CLN6: variants seen among roughly 807,000 people sequenced by gnomAD.
CLN6 encodes the protein CLN6 transmembrane ER protein.
CLN6 carries 22 observed loss-of-function variants against 33.3 expected under a neutral mutation model. The ratio of observed to expected loss-of-function variants is 0.66; its 90% confidence interval spans 0.47 to 0.94. The LOEUF (loss-of-function observed/expected upper bound fraction) is 0.94, where lower values mean the gene tolerates loss of function less well. Ranked by LOEUF, CLN6 falls within the 40% of genes least tolerant of loss-of-function variation. The pLI, the probability that CLN6 is intolerant of heterozygous loss-of-function variation, is 0.00. For synonymous variants in CLN6, 201 were observed against 174.6 expected (o/e 1.15, Z -1.19); for missense variants, 387 against 417.1 (o/e 0.93, Z 0.63).
intron 1 of CLN6, among the ~76,000 whole-genome samples, chr15:68,251,967 C>CT (rs35907860): frequency 0.025 from 1,782 of 71,644 alleles, 19 homozygotes; most frequent in East Asian, 0.036. Context: ...ATGTGTGAAT[C>CT]TTTTTTTTTT....
chr15:68,220,594 G>GT lies in CLN6; in HGVS notation c.84-1945dup, dbSNP rs1459140599. On this transcript the variant is annotated intron_variant, in intron 1 of 6. Transcript: ENST00000249806. This position sits in a 1 kb window ranked among gnomAD's most constrained non-coding sequence, Gnocchi z 4.2. ...GGTTCCACCCTCAAGGGACATCCAG[G>GT]TAAGAATGAAGTAGCCTCGCAGAGA... Among the ~76,000 whole-genome samples, 1 of 152,206 alleles carries GT rather than the reference G, an allele frequency of 6.6e-6. No homozygotes were observed. Among genetic ancestry groups the GT allele is most frequent in the Non-Finnish European group, 1.5e-5 (1 of 68,036 alleles).
chr15:68,218,750 G>A lies in CLN6; in HGVS notation c.84-100C>T, dbSNP rs1218066439. 6.1e-6 allele frequency: 5 copies of A among 819,600 alleles called. No individual in the cohort carries two copies. The Admixed American group carries it at 9.5e-5, about 16-fold the overall frequency. The allele number at this position is 819,600 out of a possible 1,614,324, so 50.8% of individuals were successfully genotyped here. The stretch of plus-strand genomic sequence containing the variant: ...AAAGAGGTCTGGGGACTTGAGGACA[G>A]GAGGAGACACACATAATTGAGTTCT... On this transcript the variant is annotated intron_variant, in intron 1 of 6. Coordinates refer to ENST00000249806, the MANE Select transcript of CLN6 (RefSeq NM_017882.3).
At position 68,208,482 on chromosome 15, in the gene CLN6, C is replaced by T. The variant is rs1050311562; in HGVS notation, c.666-72G>A. On this transcript the variant is annotated intron_variant, in intron 6 of 6. Transcript: ENST00000249806. This position sits in a 1 kb window ranked among gnomAD's most constrained non-coding sequence, Gnocchi z 5.8. ...CCTGCCTGGCATCCCTTCCTGTGTG[C>T]GAGAGCCAGGCTGCCCTCCAGGCAG... is the stretch of plus-strand genomic sequence containing the variant. 28 of 1,569,858 alleles carry T rather than the reference C, an allele frequency of 1.8e-5. No homozygotes were observed. The highest frequency in any genetic ancestry group is 2.7e-5 in the African/African-American group (2 of 74,068).
At position 68,234,767 on chromosome 15, in the gene CLN6, A is replaced by G. The variant is rs1892202582; in HGVS notation, c.180-16117T>C. Reference sequence around the variant, plus strand: ...CGCGGTGGCTCACGCATGTAATCCCAGCACTTTGGGAGGCCAAGGTGAGCA... The same window carrying G: ...CGCGGTGGCTCACGCATGTAATCCCGGCACTTTGGGAGGCCAAGGTGAGCA... On this transcript the variant is annotated intron_variant, in intron 1 of 6. Coordinates refer to the CLN6 transcript ENST00000538696. This position sits in a 1 kb window ranked among gnomAD's most constrained non-coding sequence, Gnocchi z 4.1. Among the ~76,000 whole-genome samples the G allele has an allele frequency of 6.6e-6, 1 of 152,236 alleles. No homozygotes were observed. The highest frequency in any genetic ancestry group is 2.4e-5 in the African/African-American group (1 of 41,456).
At chr15:68,248,028 C>A (rs1425752184) in intron 1 of CLN6, among the ~76,000 whole-genome samples, 521 of 117,830 alleles carry the variant, frequency 4.4e-3, no homozygotes, top group Admixed American at 4.9e-3. Flanking sequence ...AACTCAGTCT[C>A]AAAAAAAAAA....
chr15:68,224,182 C>T (rs1406629648), intron 1 of CLN6, among the ~76,000 whole-genome samples: 3 of 142,176 alleles, frequency 2.1e-5, no homozygotes, highest in Non-Finnish European at 4.5e-5. Flanking sequence ...AGGATGATCA[C>T]TTAAGCCTGG....
chr15:68,231,363 C>T (rs1286995443), upstream of CLN6, among the ~76,000 whole-genome samples: 2 of 152,180 alleles, frequency 1.3e-5, no homozygotes, highest in Non-Finnish European at 2.9e-5. Flanking sequence ...AGGTGATTGT[C>T]TCTGTTTTGT....
At position 68,249,809 on chromosome 15, in the gene CLN6, T is replaced by A. The variant is rs112437267; in HGVS notation, c.179+6881A>T. On this transcript the variant is annotated intron_variant, in intron 1 of 6. Coordinates refer to the CLN6 transcript ENST00000538696. ...TTGTGTATGTGACGGAGCCTCACTC[T>A]GTTGCCCAGGCTGGAGTGCAATGGC... 7.0e-3 allele frequency among the ~76,000 whole-genome samples: 1,060 copies of A among 152,354 alleles called. 10 individuals carry two copies. Among genetic ancestry groups the A allele is most frequent in the Non-Finnish European group, 0.013 (852 of 68,038 alleles).
chr15:68,211,922 C>A lies in CLN6; in HGVS notation c.298-59G>T. On this transcript the variant is annotated intron_variant, in intron 3 of 6. Coordinates refer to ENST00000249806, the MANE Select transcript of CLN6 (RefSeq NM_017882.3). The surrounding 1 kb of genome is among the most constrained non-coding windows in gnomAD (Gnocchi z 5.9). Reference sequence around the variant, plus strand: ...CACCTCTGTCACAGTATGTGACACCCTCTGCTTCCCCCCTCACACCTGGGG... The same window carrying A: ...CACCTCTGTCACAGTATGTGACACCATCTGCTTCCCCCCTCACACCTGGGG... 1 of 1,525,182 alleles carries A rather than the reference C, an allele frequency of 6.6e-7. No individual in the cohort carries two copies. Among genetic ancestry groups the A allele is most frequent in the South Asian group, 1.1e-5 (1 of 88,308 alleles). 94.5% of individuals were successfully genotyped at this position (1,525,182 alleles called of 1,614,324 possible).
chr15:68,238,141 C>T (rs919867254), intron 1 of CLN6, among the ~76,000 whole-genome samples: 1 of 150,046 alleles, frequency 6.7e-6, no homozygotes, highest in African/African-American at 2.5e-5. Flanking sequence ...AGAAGTGGGT[C>T]ACGCCTGTAA....
chr15:68,209,811 CACA>C lies in CLN6; in HGVS notation c.543-55_543-53del. 1 of 1,608,266 alleles carries C rather than the reference CACA, an allele frequency of 6.2e-7. No individual in the cohort carries two copies. The highest frequency in any genetic ancestry group is 8.5e-7 in the Non-Finnish European group (1 of 1,177,938). On this transcript the variant is annotated intron_variant, in intron 5 of 6. Coordinates refer to ENST00000249806, the MANE Select transcript of CLN6 (RefSeq NM_017882.3). The surrounding 1 kb of genome is among the most constrained non-coding windows in gnomAD (Gnocchi z 4.9). ...AGGCCTGCTCAGCGGCCCTCTTCCC[CACA>C]ACCTCTGCAACCACTCCCATGGGGT...
At position 68,246,866 on chromosome 15, in the gene CLN6, TA is replaced by T. The variant is rs1892333373; in HGVS notation, c.179+9823del. Among the ~76,000 whole-genome samples, 1 of 151,932 alleles carries T rather than the reference TA, an allele frequency of 6.6e-6. No homozygotes were observed. The highest frequency in any genetic ancestry group is 1.9e-4 in the East Asian group (1 of 5,198). On this transcript the variant is annotated intron_variant, in intron 1 of 6. Transcript: ENST00000538696. The surrounding 1 kb of genome is among the most constrained non-coding windows in gnomAD (Gnocchi z 4.5). ...GAGAGAAGTCCCAAATAAATAAAATTAAAAATGGGCTGGGCACGGTGGCTCA... is the reference window on the plus strand; with the variant it reads ...GAGAGAAGTCCCAAATAAATAAAATTAAAATGGGCTGGGCACGGTGGCTCA...
intron 1 of CLN6, among the ~76,000 whole-genome samples, chr15:68,243,738 G>C (rs1184361056): frequency 6.9e-6 from 1 of 145,354 alleles, no homozygotes; most frequent in Non-Finnish European, 1.5e-5. Flanking sequence ...CTGGGTGATA[G>C]AGCAAGACTC....
intron 2 of CLN6, among the ~76,000 whole-genome samples, chr15:68,217,588 A>C (rs1306372590): frequency 6.6e-6 from 1 of 152,204 alleles, no homozygotes; most frequent in African/African-American, 2.4e-5. Context: ...CAGTTTCAGC[A>C]CTGGATATTG....
intron 1 of CLN6, among the ~76,000 whole-genome samples, chr15:68,221,657 C>G (rs531881471): frequency 1.3e-5 from 2 of 152,066 alleles, no homozygotes; most frequent in Admixed American, 1.3e-4. Context: ...GCCACCCCAT[C>G]TAGGAAGTGA....
rs777142645 is a variant in CLN6, at chr15:68,209,721, C to A, written c.581G>T (p.Ser194Ile). The A allele has an allele frequency of 3.1e-6, 5 of 1,613,724 alleles. No homozygotes were observed. In the Admixed American group the frequency reaches 8.3e-5, roughly 27 times the overall value. Reference sequence around the variant, plus strand: ...AGCTTTAGAGGCAGTAAAGCAGCCGCTGAAGTACATGAAGAGGATGAGGAA... The same window carrying A: ...AGCTTTAGAGGCAGTAAAGCAGCCGATGAAGTACATGAAGAGGATGAGGAA... ...PFFLILFMYF[S>I]GCFTASKAES... Residue 194 changes from serine (S) to isoleucine (I), a missense_variant, in exon 6 of 7, where the codon AGC becomes ATC. By Grantham distance (142) the Ser-to-Ile change is moderately radical (BLOSUM62 -2). Transcript: ENST00000249806. The surrounding 1 kb of genome is among the most constrained non-coding windows in gnomAD (Gnocchi z 4.9).
intron 1 of CLN6, among the ~76,000 whole-genome samples, chr15:68,221,673 G>A (rs55953911): frequency 0.48 from 72,678 of 151,156 alleles, 18,190 homozygotes; most frequent in Non-Finnish European, 0.56. Context: ...AGTGAGGAGC[G>A]TCTCTGCCTG....
chr15:68,235,592 ATATATATATATATATATATATATAT>A (rs1892212917), intron 1 of CLN6, among the ~76,000 whole-genome samples: 4 of 104,322 alleles, frequency 3.8e-5, no homozygotes, highest in Admixed American at 2.8e-4. Context: ...AAATAAATAT[ATATATATATATATATATATATATAT>A]ATATATATAT....
rs1347976139 is a variant in CLN6 at position 68,241,549 on chromosome 15, T to C, written c.179+15141A>G. ...CCTGGCAGGAGACCTTGCCTCTGCC[T>C]CAACCCATGGGAAGCATCATGATTG... is the stretch of plus-strand genomic sequence containing the variant. On this transcript the variant is annotated intron_variant, in intron 1 of 6. Transcript: ENST00000538696. The surrounding 1 kb of genome is among the most constrained non-coding windows in gnomAD (Gnocchi z 4.2). 1.3e-5 allele frequency among the ~76,000 whole-genome samples: 2 copies of C among 151,818 alleles called. No homozygotes were observed. The highest frequency in any genetic ancestry group is 2.9e-5 in the Non-Finnish European group (2 of 67,904).
Sources: gnomAD v4.1 joint callset for allele counts (sites outside exome capture counted in the v4.1 genomes callset) on GRCh38, gnomAD v4.1.1 for gene constraint, Gnocchi (gnomAD v3.1) non-coding constraint, MANE v1.5 for transcripts, NCBI Gene and HGNC (gene_info 2026-07-23, HGNC 2026-07-21) for gene names.